Variants in MANBA observed in about 807,000 individuals in gnomAD.
MANBA encodes the protein beta-mannosidase.
MANBA carries 83 observed loss-of-function variants against 111.1 expected under a neutral mutation model. The ratio of observed to expected loss-of-function variants is 0.75; its 90% confidence interval spans 0.63 to 0.90. The LOEUF (loss-of-function observed/expected upper bound fraction) is 0.90. Ranked by LOEUF, MANBA falls within the 40% of genes least tolerant of loss-of-function variation. MANBA has a pLI of 0.00. For missense variants in MANBA, 1,036 were observed against 1,069.0 expected (o/e 0.97, Z 0.43); for synonymous variants, 370 against 378.7 (o/e 0.98, Z 0.27).
chr4:102,701,551 C>G (rs566715117), intron 5 of MANBA, among the ~76,000 whole-genome samples: 1 of 151,814 alleles, frequency 6.6e-6, no homozygotes, highest in Non-Finnish European at 1.5e-5. Context: ...TTAGGGCAGG[C>G]CTGGTGGTGA....
rs774707418 is a variant in MANBA at position 102,669,756 on chromosome 4, A to G, written c.1231-707T>C. ...AGAATTTTGGGAGGCCAAGGTGGGC[A>G]GATCACGAGGTCAGGAGATCGAGAC... On this transcript the variant is annotated intron_variant, in intron 9 of 16. Transcript: ENST00000647097. Among the ~76,000 whole-genome samples the G allele has an allele frequency of 3.0e-4, 46 of 152,298 alleles. 1 individual carries two copies. The highest frequency in any genetic ancestry group is 5.8e-4 in the African/African-American group (24 of 41,574).
chr4:102,660,289 G>T (rs750655318), intron 11 of MANBA, among the ~76,000 whole-genome samples: 1 of 151,690 alleles, frequency 6.6e-6, no homozygotes, highest in African/African-American at 2.4e-5. Context: ...TTCCATCACC[G>T]AATTTCCAAT....
chr4:102,741,699 C>T (rs1327935507), intron 1 of MANBA, among the ~76,000 whole-genome samples: 1 of 152,154 alleles, frequency 6.6e-6, no homozygotes, highest in Non-Finnish European at 1.5e-5. Flanking sequence ...TGTATGTTCT[C>T]ACTTATAAGT....
In MANBA at chr4:102,635,047, T is replaced by C. The variant is rs772852668; in HGVS notation, c.2158-2A>G. On this transcript the variant is annotated splice_acceptor_variant, in intron 15 of 16. Transcript: ENST00000647097. LOFTEE classifies it high-confidence loss of function. ...GGAGCTCCATGTATGGACTCTCACC[T>C]GGGGAGAAATAAAACAGAATAAAAA... is the stretch of plus-strand genomic sequence containing the variant. 6.8e-6 allele frequency: 11 copies of C among 1,614,016 alleles called. No individual in the cohort carries two copies. The highest frequency in any genetic ancestry group is 5.0e-5 in the Admixed American group (3 of 60,030).
intron 1 of MANBA, among the ~76,000 whole-genome samples, chr4:102,741,862 C>T (rs1723415949): frequency 6.6e-6 from 1 of 152,152 alleles, no homozygotes. Flanking sequence ...TCTCAGAAAT[C>T]ACCACTGAAG....
chr4:102,693,981 C>T (rs924092328), intron 5 of MANBA, among the ~76,000 whole-genome samples: 1 of 152,158 alleles, frequency 6.6e-6, no homozygotes, highest in Non-Finnish European at 1.5e-5. Flanking sequence ...CCTTTGAGCA[C>T]CTCCTACCAA....
intron 1 of MANBA, among the ~76,000 whole-genome samples, chr4:102,739,373 A>C (rs1723325066): frequency 6.6e-6 from 1 of 152,236 alleles, no homozygotes; most frequent in African/African-American, 2.4e-5. Flanking sequence ...TCTATCAGAC[A>C]TTCAAAGAAA....
rs1490671830 is a variant in MANBA, at chr4:102,631,813, AAC to A, written c.*242_*243del. The A allele has an allele frequency of 5.0e-6, 3 of 604,852 alleles. No homozygotes were observed. The highest frequency in any genetic ancestry group is 1.9e-5 in the African/African-American group (1 of 53,912). The allele number at this position is 604,852 out of a possible 1,614,324, so 37.5% of individuals were successfully genotyped here. A position where few individuals can be genotyped will look rare whatever the true frequency, so the allele number is the denominator to read the frequency against. ...TAAAGCTGAGAGGTGAAGGGCTAAA[AAC>A]ACAGTCCTGGCACAGATTCCAGGAC... On this transcript the variant is annotated 3_prime_UTR_variant, in exon 17 of 17. Transcript: ENST00000647097.
At chr4:102,701,873 G>A (rs1447135142) in intron 5 of MANBA, among the ~76,000 whole-genome samples, 45 of 151,554 alleles carry the variant, frequency 3.0e-4, no homozygotes, top group African/African-American at 9.0e-4. Flanking sequence ...TCTTTGTGGC[G>A]TTCTCTGTAT....
At position 102,753,020 on chromosome 4, in the gene MANBA, C is replaced by T. The variant is rs1331678259; in HGVS notation, c.177+7698G>A. On this transcript the variant is annotated intron_variant, in intron 1 of 16. Transcript: ENST00000647097. ...AGTACTAAGTATCTGTTGCCTACCA[C>T]TTTTTAGTATATGTGTATATTTATA... Among the ~76,000 whole-genome samples the T allele has an allele frequency of 2.0e-5, 3 of 152,040 alleles. No homozygotes were observed. In the East Asian group the frequency reaches 5.8e-4, roughly 29 times the overall value.
intron 13 of MANBA, 134 bp from the exon 14 acceptor site, chr4:102,639,991 AT>A (rs1729809997): frequency 1.1e-6 from 1 of 900,446 alleles, no homozygotes; most frequent in African/African-American, 1.7e-5. Context: ...AGGGAATTTA[AT>A]TAGTATTAGG....
At chr4:102,751,484 T>C in intron 1 of MANBA, 2 of 528,704 alleles carry the variant, frequency 3.8e-6, no homozygotes, top group Non-Finnish European at 3.9e-6. Flanking sequence ...CTGCCGCCTC[T>C]GAATTTGCTG....
chr4:102,698,643 G>T (rs1189857161), intron 5 of MANBA, among the ~76,000 whole-genome samples: 9 of 151,694 alleles, frequency 5.9e-5, no homozygotes, highest in African/African-American at 1.9e-4. Flanking sequence ...TTTTTCTCAG[G>T]TTTGTCAAAG....
intron 14 of MANBA, 56 bp from the exon 15 acceptor site, chr4:102,636,063 T>C: frequency 6.7e-7 from 1 of 1,483,218 alleles, no homozygotes; most frequent in East Asian, 2.3e-5. Context: ...AGAGAGGCAC[T>C]GTCCAATGGC....
In MANBA at chr4:102,736,925, A is replaced by G. The variant is rs961229099; in HGVS notation, c.178-10242T>C. ...GTGAGAGGGAAAAATGTCTGCCTCC[A>G]AACACACATCCCCTCTGGGAACCTG... On this transcript the variant is annotated intron_variant, in intron 1 of 16. Transcript: ENST00000647097. 3.3e-5 allele frequency among the ~76,000 whole-genome samples: 5 copies of G among 152,354 alleles called. No individual in the cohort carries two copies. The South Asian group carries it at 6.2e-4, about 19-fold the overall frequency.
chr4:102,737,807 T>A (rs896676345), intron 1 of MANBA, among the ~76,000 whole-genome samples: 3 of 152,138 alleles, frequency 2.0e-5, no homozygotes, highest in African/African-American at 7.2e-5. Context: ...GTGCTGGCTT[T>A]TCCCTAGCGA....
intron 5 of MANBA, among the ~76,000 whole-genome samples, chr4:102,700,064 A>T (rs1181948348): frequency 1.5e-4 from 22 of 149,344 alleles, no homozygotes; most frequent in African/African-American, 5.2e-4. Context: ...CAGAGATTCA[A>T]CTTCTTCCTG....
In MANBA at chr4:102,694,895, A is replaced by T. The variant is rs542106256; in HGVS notation, c.674-4124T>A. On this transcript the variant is annotated intron_variant, in intron 5 of 16. Transcript: ENST00000647097. The stretch of plus-strand genomic sequence containing the variant: ...GATGTCCTAAGCCCAAGCAGAAGAG[A>T]TTATGTTCTACAGTTTGTTCATATA... Among the ~76,000 whole-genome samples, 3 of 152,156 alleles carry T rather than the reference A, an allele frequency of 2.0e-5. No homozygotes were observed. In the East Asian group the frequency reaches 5.8e-4, roughly 29 times the overall value.
chr4:102,690,414 G>A (rs1389419531), intron 6 of MANBA, among the ~76,000 whole-genome samples, 182 bp downstream of exon 6: 1 of 151,986 alleles, frequency 6.6e-6, no homozygotes, highest in African/African-American at 2.4e-5. Context: ...TAAAGTTTGG[G>A]AAAATCATTC....
Sources: allele counts gnomAD v4.1 joint callset (sites outside exome capture counted in the v4.1 genomes callset), GRCh38; gene constraint gnomAD v4.1.1; transcripts MANE v1.5; gene names NCBI Gene and HGNC (gene_info 2026-07-23, HGNC 2026-07-21).